Variants in C6orf132 observed in about 807,000 individuals in gnomAD.
C6orf132 encodes the protein uncharacterized protein C6orf132.
C6orf132 carries 43 observed loss-of-function variants against 65.3 expected under a neutral mutation model. The ratio of observed to expected loss-of-function variants is 0.66; its 90% confidence interval spans 0.52 to 0.85. The LOEUF is 0.85. Ranked by LOEUF, C6orf132 falls within the 40% of genes least tolerant of loss-of-function variation. The probability of loss-of-function intolerance (pLI) is 0.00; values close to 1 mark genes in which losing one functional copy is unlikely to be tolerated. For missense variants in C6orf132, 1,488 were observed against 1,548.8 expected (o/e 0.96, Z 0.66); for synonymous variants, 631 against 654.1 (o/e 0.96, Z 0.54).
intron 1 of C6orf132, among the ~76,000 whole-genome samples, chr6:42,134,823 C>T (rs1160154157): frequency 1.3e-5 from 2 of 148,502 alleles, no homozygotes; most frequent in African/African-American, 5.0e-5. Context: ...GAAACCCCAT[C>T]TCTACTAAAA....
intron 2 of C6orf132, among the ~76,000 whole-genome samples, chr6:42,127,259 T>C (rs968522953): frequency 5.3e-5 from 8 of 152,230 alleles, no homozygotes; most frequent in African/African-American, 1.4e-4. Context: ...TATACCTTGT[T>C]GGTGGTGGTG....
At chr6:42,132,459 G>A (rs779708908) in intron 1 of C6orf132, among the ~76,000 whole-genome samples, 16 of 151,910 alleles carry the variant, frequency 1.1e-4, no homozygotes, top group Middle Eastern at 3.4e-3. Context: ...AGGTTGCAGT[G>A]AGCCAAGATT....
chr6:42,120,584 T>TAA, intron 2 of C6orf132, among the ~76,000 whole-genome samples: 1 of 149,668 alleles, frequency 6.7e-6, no homozygotes, highest in Admixed American at 6.7e-5. Context: ...CCTTTATAAT[T>TAA]AAAAAAAAAA....
At position 42,104,692 on chromosome 6, in the gene C6orf132, C is replaced by T. The variant is rs906884894; in HGVS notation, c.3220G>A (p.Gly1074Ser). 53 of 1,517,388 alleles carry T rather than the reference C, an allele frequency of 3.5e-5. No individual in the cohort carries two copies. The highest frequency in any genetic ancestry group is 3.6e-4 in the Middle Eastern group (2 of 5,624). 94.0% of individuals were successfully genotyped at this position (1,517,388 alleles called of 1,614,324 possible). A position where few individuals can be genotyped will look rare whatever the true frequency, so the allele number is the denominator to read the frequency against. ...KRLYVGEPHR[G>S]PGLPHGGTGR... ...GTGCCACCGTGGGGTAGCCCTGGGC[C>T]TCGGTGCGGCTCCCCGACGTACAGG... Residue 1074 changes from glycine to serine, a missense_variant, in exon 4 of 5, where the codon GGC becomes AGC. Gly to Ser is a moderately conservative substitution (Grantham distance 56). Coordinates refer to ENST00000341865, the MANE Select transcript of C6orf132 (RefSeq NM_001164446.3). The surrounding 1 kb of genome is among the most constrained non-coding windows in gnomAD (Gnocchi z 4.1).
At chr6:42,108,287 CAG>C (rs1766445149) in intron 3 of C6orf132, among the ~76,000 whole-genome samples, 2 of 152,202 alleles carry the variant, frequency 1.3e-5, no homozygotes, top group Admixed American at 1.3e-4. Flanking sequence ...GGCATGATGT[CAG>C]TGCTCGCTTC....
At chr6:42,109,173 A>G (rs892234892) in intron 3 of C6orf132, among the ~76,000 whole-genome samples, 2 of 152,112 alleles carry the variant, frequency 1.3e-5, no homozygotes, top group African/African-American at 4.8e-5. Context: ...GGTGGCTCAC[A>G]CCTGTAATCC....
intron 1 of C6orf132, among the ~76,000 whole-genome samples, chr6:42,137,904 G>T (rs928136776): frequency 6.6e-6 from 1 of 152,076 alleles, no homozygotes; most frequent in South Asian, 2.1e-4. Flanking sequence ...GTGAAACCCC[G>T]TCTCTACTAA....
intron 2 of C6orf132, among the ~76,000 whole-genome samples, chr6:42,123,518 G>GGGA (rs1421386746): frequency 3.3e-5 from 5 of 149,940 alleles, no homozygotes; most frequent in Non-Finnish European, 5.9e-5. Flanking sequence ...AAGGAGGAGA[G>GGGA]GGAGGTGGAG....
chr6:42,105,529 C>T lies in C6orf132; in HGVS notation c.2383G>A (p.Ala795Thr). Reference sequence around the variant, plus strand: ...ACCTCCACGGGCTCCCCTGGCCCTGCAGCCCCTCCTCTGGCCAGGGTGGGC... The same window carrying T: ...ACCTCCACGGGCTCCCCTGGCCCTGTAGCCCCTCCTCTGGCCAGGGTGGGC... ...VMPTLARGGA[A>T]GPGEPVEVKE... The change falls in exon 4 of 5, where the codon GCA (alanine) becomes ACA (threonine). Residue 795 changes from alanine to threonine, a missense_variant. Transcript: ENST00000341865. 1.3e-6 allele frequency: 2 copies of T among 1,533,696 alleles called. No individual in the cohort carries two copies. The highest frequency in any genetic ancestry group is 1.7e-6 in the Non-Finnish European group (2 of 1,144,836).
Position 42,142,432 on chromosome 6 carries a change from GCTT to G in C6orf132, c.10_12del (p.Lys4del), listed in dbSNP as rs773293193. ...TTGCTGAAGGTGCCCTGCACCGTCT[GCTT>G]CTTTTTCATGCTGCCGCAGCCCGCG... On this transcript the variant is annotated inframe_deletion, in exon 1 of 5. Transcript: ENST00000341865. 2.5e-3 allele frequency: 3,901 copies of G among 1,551,024 alleles called. 10 individuals are homozygous for G. The highest frequency in any genetic ancestry group is 2.9e-3 in the Non-Finnish European group (3,361 of 1,146,636).
chr6:42,132,423 G>A (rs934399991), intron 1 of C6orf132, among the ~76,000 whole-genome samples: 3 of 152,180 alleles, frequency 2.0e-5, no homozygotes, highest in Admixed American at 1.3e-4. Context: ...GCTGAGGCAG[G>A]AGAATCACTT....
In C6orf132 at chr6:42,105,654, G is replaced by A. The variant is rs1766389271; in HGVS notation, c.2258C>T (p.Ala753Val). 1 of 1,537,228 alleles carries A rather than the reference G, an allele frequency of 6.5e-7. No individual in the cohort carries two copies. The highest frequency in any genetic ancestry group is 8.7e-7 in the Non-Finnish European group (1 of 1,146,908). ...LPTQGARSSA[A>V]FPPKTSPGGG... ...ACCAGGAGATGTCTTTGGTGGGAAGGCTGCAGATGAGCGGGCTCCCTGTGT... is the reference window on the plus strand; with the variant it reads ...ACCAGGAGATGTCTTTGGTGGGAAGACTGCAGATGAGCGGGCTCCCTGTGT... Residue 753 changes from alanine (A) to valine (V), a missense_variant, in exon 4 of 5, where the codon GCC becomes GTC. Coordinates refer to ENST00000341865, the MANE Select transcript of C6orf132 (RefSeq NM_001164446.3).
At chr6:42,117,193 C>G (rs1766596607) in intron 2 of C6orf132, among the ~76,000 whole-genome samples, 1 of 152,200 alleles carries the variant, frequency 6.6e-6, no homozygotes, top group Non-Finnish European at 1.5e-5. Flanking sequence ...ATTATTGCAG[C>G]TGACATTTAT....
At chr6:42,112,434 A>G (rs538721376) in intron 2 of C6orf132, among the ~76,000 whole-genome samples, 1 of 152,352 alleles carries the variant, frequency 6.6e-6, no homozygotes, top group South Asian at 2.1e-4. Context: ...TGAATATCAG[A>G]TCTGCTACCT....
chr6:42,115,753 G>GA (rs1449578444), intron 2 of C6orf132, among the ~76,000 whole-genome samples: 3 of 151,988 alleles, frequency 2.0e-5, no homozygotes, highest in Non-Finnish European at 4.4e-5. Context: ...GAAATCAAAA[G>GA]AAAAAGTGTT....
intron 2 of C6orf132, among the ~76,000 whole-genome samples, chr6:42,111,705 A>G (rs1003741762): frequency 4.6e-5 from 7 of 152,208 alleles, no homozygotes; most frequent in Non-Finnish European, 8.8e-5. Context: ...GATAACAGGT[A>G]TGAGCCACTG....
intron 1 of C6orf132, among the ~76,000 whole-genome samples, chr6:42,142,076 C>T (rs1392850030): frequency 6.6e-6 from 1 of 152,008 alleles, no homozygotes; most frequent in Non-Finnish European, 1.5e-5. Context: ...CCCACCTCCC[C>T]GTGGTGGTGG....
In C6orf132 at chr6:42,115,998, C is replaced by T. The variant is rs1465432187; in HGVS notation, c.253-5707G>A. On this transcript the variant is annotated intron_variant, in intron 2 of 4. Coordinates refer to ENST00000341865, the MANE Select transcript of C6orf132 (RefSeq NM_001164446.3). ...AGGCTGGAGTGCAGTGGCAAGATCTCGGCTCACTGCAACCTTTGACTCCCG... is the reference window on the plus strand; with the variant it reads ...AGGCTGGAGTGCAGTGGCAAGATCTTGGCTCACTGCAACCTTTGACTCCCG... 2.2e-5 allele frequency among the ~76,000 whole-genome samples: 3 copies of T among 137,940 alleles called. No homozygotes were observed. In the East Asian group the frequency reaches 6.4e-4, roughly 30 times the overall value. 90.5% of individuals were successfully genotyped at this position (137,940 alleles called of 152,430 possible). A position where few individuals can be genotyped will look rare whatever the true frequency, so the allele number is the denominator to read the frequency against.
chr6:42,135,742 A>AGCAAG (rs1344147378), intron 1 of C6orf132, among the ~76,000 whole-genome samples: 1 of 152,246 alleles, frequency 6.6e-6, no homozygotes, highest in African/African-American at 2.4e-5. Context: ...CTGTGTTATG[A>AGCAAG]GCAAGGCACT....
Sources: gnomAD v4.1 joint callset for allele counts (sites outside exome capture counted in the v4.1 genomes callset) on GRCh38, gnomAD v4.1.1 for gene constraint, Gnocchi (gnomAD v3.1) non-coding constraint, MANE v1.5 for transcripts, NCBI Gene and HGNC (gene_info 2026-07-23, HGNC 2026-07-21) for gene names.